Variants in TLL2 observed in about 807,000 individuals in gnomAD.
TLL2 encodes tolloid-like protein 2.
In TLL2, 106 loss-of-function variants were observed where a neutral mutation model predicts 123.0. The observed-to-expected ratio is 0.86, with a 90% CI of 0.74 to 1.01. TLL2 has a LOEUF of 1.01. Ranked by LOEUF, TLL2 falls within the 50% of genes least tolerant of loss-of-function variation. TLL2 has a pLI of 0.00. For missense variants in TLL2, 1,332 were observed against 1,336.7 expected, an observed-to-expected ratio of 1.00 and a Z score of 0.06; for synonymous variants, 494 against 516.8, an observed-to-expected ratio of 0.96 and a Z score of 0.60.
intron 10 of TLL2, among the ~76,000 whole-genome samples, chr10:96,403,193 T>C (rs1846412119): frequency 6.6e-6 from 1 of 152,158 alleles, no homozygotes; most frequent in African/African-American, 2.4e-5. Context: ...GAATGAGTCC[T>C]AGTGTCTACT....
At chr10:96,503,874 GT>G (rs1367382078) in intron 1 of TLL2, among the ~76,000 whole-genome samples, 2 of 152,234 alleles carry the variant, frequency 1.3e-5, no homozygotes, top group African/African-American at 4.8e-5. Flanking sequence ...ATACACAAAT[GT>G]GACCTTCAGA....
intron 13 of TLL2, among the ~76,000 whole-genome samples, chr10:96,388,258 G>A (rs750004346): frequency 6.6e-6 from 1 of 151,998 alleles, no homozygotes; most frequent in Non-Finnish European, 1.5e-5. Context: ...AAAATTAGCC[G>A]GGAGTGGTGG....
chr10:96,474,476 T>C (rs981029007), intron 2 of TLL2, among the ~76,000 whole-genome samples: 3 of 152,124 alleles, frequency 2.0e-5, no homozygotes, highest in African/African-American at 2.4e-5. Context: ...TTCATTTCCT[T>C]ATGTGTAGAA....
At chr10:96,479,403 T>C (rs1470082355) in intron 2 of TLL2, among the ~76,000 whole-genome samples, 1 of 152,214 alleles carries the variant, frequency 6.6e-6, no homozygotes, top group African/African-American at 2.4e-5. Flanking sequence ...CCTGGGCACA[T>C]GCCCACACAT....
rs529993787 is a variant in TLL2 at position 96,367,337 on chromosome 10, A to G, written c.*751T>C. ...GAAAAAAATATCAGGACGAGCCACA[A>G]TATTGTCTTCTCAGCAGACAGGACT... is the stretch of plus-strand genomic sequence containing the variant. On this transcript the variant is annotated 3_prime_UTR_variant, in exon 21 of 21. Coordinates refer to ENST00000357947, the MANE Select transcript of TLL2 (RefSeq NM_012465.4). The G allele has an allele frequency of 1.3e-5, 2 of 152,354 alleles. No homozygotes were observed. The highest frequency in any genetic ancestry group is 1.9e-4 in the East Asian group (1 of 5,186). 9.4% of individuals were successfully genotyped at this position (152,354 alleles called of 1,614,324 possible). A position where few individuals can be genotyped will look rare whatever the true frequency, so the allele number is the denominator to read the frequency against.
In TLL2 at chr10:96,367,898, T is replaced by G; in HGVS notation, c.*190A>C. ...TGCAGACAGAAGCAAAAGAACATTT[T>G]TCTCTCCACCTTGTTGGCCAAACTT... On this transcript the variant is annotated 3_prime_UTR_variant, in exon 21 of 21. Transcript: ENST00000357947. The G allele has an allele frequency of 1.6e-6, 1 of 633,470 alleles. No individual in the cohort carries two copies. The highest frequency in any genetic ancestry group is 2.6e-6 in the Non-Finnish European group (1 of 379,736). The allele number at this position is 633,470 out of a possible 1,614,324, so 39.2% of individuals were successfully genotyped here.
intron 5 of TLL2, among the ~76,000 whole-genome samples, chr10:96,424,197 A>T (rs1846654849): frequency 6.6e-6 from 1 of 152,106 alleles, no homozygotes; most frequent in South Asian, 2.1e-4. Context: ...GGAGATGGTT[A>T]ATGGGTAAAG....
chr10:96,493,140 A>C (rs1286353280), intron 1 of TLL2, among the ~76,000 whole-genome samples: 1 of 152,118 alleles, frequency 6.6e-6, no homozygotes, highest in African/African-American at 2.4e-5. Flanking sequence ...AGGACAGCAA[A>C]CCCGTGCAAT....
At chr10:96,392,440 G>A (rs1221811331) in intron 13 of TLL2, among the ~76,000 whole-genome samples, 2 of 150,060 alleles carry the variant, frequency 1.3e-5, no homozygotes, top group Non-Finnish European at 3.0e-5. Context: ...ATGTAACTAG[G>A]CATCCTGTTT....
chr10:96,430,996 C>T (rs1043497115), intron 4 of TLL2, among the ~76,000 whole-genome samples: 1 of 152,118 alleles, frequency 6.6e-6, no homozygotes, highest in Non-Finnish European at 1.5e-5. Flanking sequence ...GTTTATAGCT[C>T]AATCGCTCAC....
intron 2 of TLL2, among the ~76,000 whole-genome samples, chr10:96,473,488 C>T (rs1358744969): frequency 6.6e-6 from 1 of 152,096 alleles, no homozygotes; most frequent in African/African-American, 2.4e-5. Context: ...AGAGACAGGG[C>T]CCAGAGAGGG....
At chr10:96,491,536 G>C (rs554552601) in intron 1 of TLL2, among the ~76,000 whole-genome samples, 1 of 152,290 alleles carries the variant, frequency 6.6e-6, no homozygotes, top group Non-Finnish European at 1.5e-5. Flanking sequence ...GCTCTGGCTA[G>C]TAAATGTTTC....
intron 1 of TLL2, among the ~76,000 whole-genome samples, chr10:96,495,223 G>A (rs1004640741): frequency 1.3e-5 from 2 of 152,150 alleles, no homozygotes; most frequent in Non-Finnish European, 2.9e-5. Context: ...ATTCCTCTCA[G>A]GAAACAGGCT....
At chr10:96,475,034 C>A (rs1269582171) in intron 2 of TLL2, among the ~76,000 whole-genome samples, 1 of 152,138 alleles carries the variant, frequency 6.6e-6, no homozygotes, top group East Asian at 1.9e-4. Flanking sequence ...ATCTCAAGAT[C>A]CTTAACTAAT....
intron 1 of TLL2, among the ~76,000 whole-genome samples, chr10:96,499,376 C>T (rs1333397784): frequency 6.6e-6 from 1 of 152,172 alleles, no homozygotes; most frequent in Non-Finnish European, 1.5e-5. Context: ...CTAGTAGTTG[C>T]TCCTTGCATC....
At chr10:96,510,989 C>T (rs1187154065) in intron 1 of TLL2, among the ~76,000 whole-genome samples, 1 of 152,206 alleles carries the variant, frequency 6.6e-6, no homozygotes, top group Non-Finnish European at 1.5e-5. Flanking sequence ...GGGGAGTCGT[C>T]CCGGTAACAC....
chr10:96,486,777 A>C (rs1375066276), intron 1 of TLL2, among the ~76,000 whole-genome samples: 1 of 152,220 alleles, frequency 6.6e-6, no homozygotes, highest in African/African-American at 2.4e-5. Context: ...TTGAAGGCGG[A>C]GCATGGCAGA....
intron 2 of TLL2, among the ~76,000 whole-genome samples, chr10:96,447,128 G>A (rs1388674866): frequency 3.3e-5 from 5 of 152,214 alleles, no homozygotes; most frequent in African/African-American, 1.2e-4. Context: ...ATCTGGCCAT[G>A]TGGAGATCTG....
chr10:96,414,882 C>T (rs1209587730), intron 7 of TLL2, among the ~76,000 whole-genome samples: 1 of 152,118 alleles, frequency 6.6e-6, no homozygotes, highest in Non-Finnish European at 1.5e-5. Flanking sequence ...CTTTTTTGCA[C>T]CCCTTGAACC....
Sources: allele counts gnomAD v4.1 joint callset (sites outside exome capture counted in the v4.1 genomes callset), GRCh38; gene constraint gnomAD v4.1.1; transcripts MANE v1.5; gene names NCBI Gene and HGNC (gene_info 2026-07-23, HGNC 2026-07-21).